Variants in RHD observed in about 807,000 individuals in gnomAD.
RHD encodes Rh blood group D antigen.
A neutral mutation model predicts 45.5 loss-of-function variants in RHD; 16 were observed. That is an observed-to-expected ratio of 0.35 (90% CI 0.24 to 0.53). The LOEUF (loss-of-function observed/expected upper bound fraction) is 0.53. Among genes scored for constraint, RHD ranks in the 20% least tolerant of loss-of-function variants. The pLI is 0.92. For missense variants in RHD, 306 were observed against 532.0 expected (o/e 0.58, Z 4.18); for synonymous variants, 131 against 217.5 (o/e 0.60, Z 3.50).
chr1:25,280,055 A>AG lies in RHD; in HGVS notation c.149-4513dup, dbSNP rs763417678. Among the ~76,000 whole-genome samples the AG allele has an allele frequency of 1.4e-4, 18 of 129,624 alleles. No individual in the cohort carries two copies. In the East Asian group the frequency reaches 3.3e-3, roughly 24 times the overall value. 85.0% of individuals were successfully genotyped at this position (129,624 alleles called of 152,430 possible). A position where few individuals can be genotyped will look rare whatever the true frequency, so the allele number is the denominator to read the frequency against. ...AGGAGAAGTGGGAGGATGAGGGGGC[A>AG]GGGGGAGGAGAAGCCTGAAATCAAA... On this transcript the variant is annotated intron_variant, in intron 1 of 9. Coordinates refer to ENST00000328664, the MANE Select transcript of RHD (RefSeq NM_016124.6).
chr1:25,316,607 A>C (rs1341628707), intron 7 of RHD, among the ~76,000 whole-genome samples: 1 of 100,668 alleles, frequency 9.9e-6, no homozygotes, highest in Non-Finnish European at 2.4e-5. Flanking sequence ...TCCATCTCAC[A>C]AACAAAAACA....
In RHD at chr1:25,298,661, C is replaced by A. The variant is rs1244191079; in HGVS notation, c.487-2285C>A. Reference sequence around the variant, plus strand: ...TTTCCTCTTTATGTATGACTGAGGGCTTTTTACCATCATTTGTTCCCTTCA... The same window carrying A: ...TTTCCTCTTTATGTATGACTGAGGGATTTTTACCATCATTTGTTCCCTTCA... On this transcript the variant is annotated intron_variant, in intron 3 of 9. Coordinates refer to ENST00000328664, the MANE Select transcript of RHD (RefSeq NM_016124.6). Among the ~76,000 whole-genome samples the A allele has an allele frequency of 1.5e-5, 2 of 131,720 alleles. 1 individual carries two copies. Among genetic ancestry groups the A allele is most frequent in the Non-Finnish European group, 3.6e-5 (2 of 55,882 alleles). 86.4% of individuals were successfully genotyped at this position (131,720 alleles called of 152,430 possible).
chr1:25,295,107 AAGTATAAC>A lies in RHD; in HGVS notation c.486+4321_486+4328del, dbSNP rs1038578863. On this transcript the variant is annotated intron_variant, in intron 3 of 9. Coordinates refer to ENST00000328664, the MANE Select transcript of RHD (RefSeq NM_016124.6). ...GAGATGGGGCTGTTTGCAAAGGAGG[AAGTATAAC>A]AGTAGCCCACAAAATCTGAGCTGGT... is the stretch of plus-strand genomic sequence containing the variant. 3.2e-4 allele frequency among the ~76,000 whole-genome samples: 47 copies of A among 145,498 alleles called. 1 individual carries two copies. Among genetic ancestry groups the A allele is most frequent in the African/African-American group, 1.2e-3 (47 of 37,870 alleles).
rs141866055 is a variant in RHD at position 25,321,202 on chromosome 1, C to T, written c.1154-687C>T. Among the ~76,000 whole-genome samples the T allele has an allele frequency of 2.2e-3, 285 of 129,672 alleles. 37 individuals carry two copies. Among genetic ancestry groups the T allele is most frequent in the African/African-American group, 7.0e-3 (270 of 38,322 alleles). The allele number at this position is 129,672 out of a possible 152,430, so 85.1% of individuals were successfully genotyped here. ...GCCAGAGAAGACAGACCTATAGGAG[C>T]ACCCAATTGGAGTCACCCTCCATAG... On this transcript the variant is annotated intron_variant, in intron 8 of 9. Coordinates refer to ENST00000328664, the MANE Select transcript of RHD (RefSeq NM_016124.6).
At chr1:25,315,791 C>T (rs1019970445) in intron 7 of RHD, among the ~76,000 whole-genome samples, 1 of 130,484 alleles carries the variant, frequency 7.7e-6, no homozygotes, top group African/African-American at 2.6e-5. Context: ...CCACCACACC[C>T]GGCCTTAATT....
chr1:25,282,058 T>G lies in RHD; in HGVS notation c.149-2515T>G, dbSNP rs111989070. On this transcript the variant is annotated intron_variant, in intron 1 of 9. Transcript: ENST00000328664. Reference sequence around the variant, plus strand: ...TTGTCATGATGATGTTGATGAACAGTCACTATTTATTGAGCGTTCTCCATG... The same window carrying G: ...TTGTCATGATGATGTTGATGAACAGGCACTATTTATTGAGCGTTCTCCATG... Among the ~76,000 whole-genome samples the G allele has an allele frequency of 1.5e-5, 2 of 131,430 alleles. 1 individual carries two copies. The highest frequency in any genetic ancestry group is 4.7e-4 in the South Asian group (2 of 4,288). 86.2% of individuals were successfully genotyped at this position (131,430 alleles called of 152,430 possible). A position where few individuals can be genotyped will look rare whatever the true frequency, so the allele number is the denominator to read the frequency against.
At chr1:25,287,018 G>A (rs1167866499) in intron 2 of RHD, among the ~76,000 whole-genome samples, 35 of 134,770 alleles carry the variant, frequency 2.6e-4, no homozygotes, top group Non-Finnish European at 4.6e-4. Context: ...ACTTGAACCC[G>A]GGAGGCGGAG....
chr1:25,303,641 G>C (rs1187615750), intron 6 of RHD, among the ~76,000 whole-genome samples, 182 bp downstream of exon 6: 1 of 131,476 alleles, frequency 7.6e-6, no homozygotes, highest in African/African-American at 2.6e-5. Flanking sequence ...AGATGCTCGG[G>C]AGCAGGTGGC....
At chr1:25,274,012 C>T (rs575818033) in intron 1 of RHD, among the ~76,000 whole-genome samples, 1 of 132,646 alleles carries the variant, frequency 7.5e-6, no homozygotes, top group African/African-American at 2.6e-5. Flanking sequence ...CTTCAATTTA[C>T]TCTAATTCAT....
At position 25,285,604 on chromosome 1, in the gene RHD, T is replaced by C. The variant is rs951762741; in HGVS notation, c.335+845T>C. Among the ~76,000 whole-genome samples, 2 of 135,232 alleles carry C rather than the reference T, an allele frequency of 1.5e-5. 1 individual carries two copies. Among genetic ancestry groups the C allele is most frequent in the African/African-American group, 5.1e-5 (2 of 39,138 alleles). The allele number at this position is 135,232 out of a possible 152,430, so 88.7% of individuals were successfully genotyped here. On this transcript the variant is annotated intron_variant, in intron 2 of 9. Coordinates refer to ENST00000328664, the MANE Select transcript of RHD (RefSeq NM_016124.6). The stretch of plus-strand genomic sequence containing the variant: ...ATGGTGCCAGAAGTCAGAATAGTTG[T>C]TACCTGGGCAGGAGGTGGATATTGA...
Position 25,308,680 on chromosome 1 carries a change from C to T in RHD, c.1073+1951C>T, listed in dbSNP as rs1291081833. ...GAGCCTATGGGAACTGGCTCCAGCA[C>T]ATCCCTGCAAGTCAACTCTCATCAG... On this transcript the variant is annotated intron_variant, in intron 7 of 9. Coordinates refer to ENST00000328664, the MANE Select transcript of RHD (RefSeq NM_016124.6). 1.5e-5 allele frequency among the ~76,000 whole-genome samples: 2 copies of T among 129,900 alleles called. 1 individual carries two copies. Among genetic ancestry groups the T allele is most frequent in the African/African-American group, 5.3e-5 (2 of 37,692 alleles). The allele number at this position is 129,900 out of a possible 152,430, so 85.2% of individuals were successfully genotyped here.
rs1485333379 is a variant in RHD, at chr1:25,274,757, G to C, written c.148+2062G>C. Among the ~76,000 whole-genome samples, 3 of 133,784 alleles carry C rather than the reference G, an allele frequency of 2.2e-5. 1 individual carries two copies. Among genetic ancestry groups the C allele is most frequent in the Non-Finnish European group, 3.6e-5 (2 of 56,244 alleles). The allele number at this position is 133,784 out of a possible 152,430, so 87.8% of individuals were successfully genotyped here. Reference sequence around the variant, plus strand: ...CGACGTGGCTCACGCCTGTAATCCCGGCACATTGGGAGGCCAAGGCTGGAG... The same window carrying C: ...CGACGTGGCTCACGCCTGTAATCCCCGCACATTGGGAGGCCAAGGCTGGAG... On this transcript the variant is annotated intron_variant, in intron 1 of 9. Transcript: ENST00000328664.
rs752498217 is a variant in RHD at position 25,320,653 on chromosome 1, G to C, written c.1154-1236G>C. ...TCAGGAGCATTTCCTTGCTTCCTGT[G>C]AAAGGAAGCACTCATTCCATGTGTC... On this transcript the variant is annotated intron_variant, in intron 8 of 9. Coordinates refer to ENST00000328664, the MANE Select transcript of RHD (RefSeq NM_016124.6). Among the ~76,000 whole-genome samples the C allele has an allele frequency of 1.5e-5, 2 of 132,214 alleles. 1 individual carries two copies. The highest frequency in any genetic ancestry group is 3.6e-5 in the Non-Finnish European group (2 of 55,792). 86.7% of individuals were successfully genotyped at this position (132,214 alleles called of 152,430 possible). A position where few individuals can be genotyped will look rare whatever the true frequency, so the allele number is the denominator to read the frequency against.
Position 25,290,633 on chromosome 1 carries a change from T to C in RHD, c.336-8T>C. ...CTCAGTCGTCCTGGCTCTCCCTCTC[T>C]CCCCCAGTATTCGGCTGGCCACCAT... On this transcript the variant is annotated splice_polypyrimidine_tract_variant and splice_region_variant and intron_variant, in intron 2 of 9. Transcript: ENST00000328664. The C allele has an allele frequency of 1.5e-6, 2 of 1,374,510 alleles. 1 individual carries two copies. Among genetic ancestry groups the C allele is most frequent in the Non-Finnish European group, 2.1e-6 (2 of 974,792 alleles). The allele number at this position is 1,374,510 out of a possible 1,614,324, so 85.1% of individuals were successfully genotyped here.
At chr1:25,303,528 C>CCA in intron 6 of RHD, 69 bp downstream of exon 6, 1 of 1,318,518 alleles carries the variant, frequency 7.6e-7, no homozygotes. Context: ...ACCTGATGGG[C>CCA]CACTGTGCAG....
rs1215614573 is a variant in RHD, at chr1:25,283,280, C to T, written c.149-1293C>T. Reference sequence around the variant, plus strand: ...GCCCTGTGGCTCATGTCTGTAATCCCATCACTTTGGGAAACCGAGGTGGGC... The same window carrying T: ...GCCCTGTGGCTCATGTCTGTAATCCTATCACTTTGGGAAACCGAGGTGGGC... On this transcript the variant is annotated intron_variant, in intron 1 of 9. Coordinates refer to ENST00000328664, the MANE Select transcript of RHD (RefSeq NM_016124.6). Among the ~76,000 whole-genome samples the T allele has an allele frequency of 1.5e-5, 2 of 132,142 alleles. 1 individual carries two copies. The highest frequency in any genetic ancestry group is 7.5e-3 in the Middle Eastern group (2 of 266). 86.7% of individuals were successfully genotyped at this position (132,142 alleles called of 152,430 possible). A position where few individuals can be genotyped will look rare whatever the true frequency, so the allele number is the denominator to read the frequency against.
intron 2 of RHD, among the ~76,000 whole-genome samples, chr1:25,286,713 G>C (rs1389875028): frequency 7.5e-6 from 1 of 133,718 alleles, no homozygotes; most frequent in African/African-American, 2.6e-5. Context: ...GTGAACCCGG[G>C]AGGCGGAGTT....
At chr1:25,280,467 G>A (rs1260245380) in intron 1 of RHD, among the ~76,000 whole-genome samples, 1 of 127,826 alleles carries the variant, frequency 7.8e-6, no homozygotes, top group East Asian at 2.0e-4. Flanking sequence ...CACCATGCCA[G>A]GCTAATTTTT....
Position 25,281,412 on chromosome 1 carries a change from T to C in RHD, c.149-3161T>C, listed in dbSNP as rs1426618461. Reference sequence around the variant, plus strand: ...AAGAATTGCTCTACTCATGGAATCTTCAATAAGTCTGGGCCCTATGCATAT... The same window carrying C: ...AAGAATTGCTCTACTCATGGAATCTCCAATAAGTCTGGGCCCTATGCATAT... On this transcript the variant is annotated intron_variant, in intron 1 of 9. Coordinates refer to ENST00000328664, the MANE Select transcript of RHD (RefSeq NM_016124.6). Among the ~76,000 whole-genome samples the C allele has an allele frequency of 1.5e-5, 2 of 131,954 alleles. 1 individual carries two copies. Among genetic ancestry groups the C allele is most frequent in the African/African-American group, 5.2e-5 (2 of 38,290 alleles). The allele number at this position is 131,954 out of a possible 152,430, so 86.6% of individuals were successfully genotyped here.
Sources: allele counts gnomAD v4.1 joint callset (sites outside exome capture counted in the v4.1 genomes callset), GRCh38; gene constraint gnomAD v4.1.1; transcripts MANE v1.5; gene names NCBI Gene and HGNC (gene_info 2026-07-23, HGNC 2026-07-21).